The following ZNF407 variants were observed in gnomAD, a reference collection of about 807,000 sequenced individuals.
ZNF407 encodes zinc finger protein 407.
In ZNF407, 17 loss-of-function variants were observed where a neutral mutation model predicts 131.2. The ratio of observed to expected loss-of-function variants is 0.13; its 90% CI spans 0.09 to 0.19. The LOEUF is 0.19. Ranked by LOEUF, ZNF407 falls within the 10% of genes least tolerant of loss-of-function variation. The probability of loss-of-function intolerance (pLI) is 1.00; values close to 1 mark genes in which losing one functional copy is unlikely to be tolerated. For missense variants in ZNF407, 2,681 were observed against 2,830.6 expected, an observed-to-expected ratio of 0.95 and a Z score of 1.20; for synonymous variants, 1,156 against 1,062.0, an observed-to-expected ratio of 1.09 and a Z score of -1.72.
rs975033377 is a variant in ZNF407 at position 74,641,183 on chromosome 18, G to T, written c.4802+61G>T. On this transcript the variant is annotated intron_variant, in intron 3 of 8. Transcript: ENST00000299687. The stretch of plus-strand genomic sequence containing the variant: ...AGGAAGCATGTGCAGGATAGCCATT[G>T]TTTCGGAATTCAAAACCGATAGGAG... 2.9e-5 allele frequency: 40 copies of T among 1,388,378 alleles called. No individual in the cohort carries two copies. The African/African-American group carries it at 5.5e-4, about 19-fold the overall frequency. 86.0% of individuals were successfully genotyped at this position (1,388,378 alleles called of 1,614,324 possible). A position where few individuals can be genotyped will look rare whatever the true frequency, so the allele number is the denominator to read the frequency against.
chr18:74,729,141 C>T (rs934072543), intron 3 of ZNF407, among the ~76,000 whole-genome samples: 1 of 152,100 alleles, frequency 6.6e-6, no homozygotes, highest in Non-Finnish European at 1.5e-5. Context: ...GTACCCAGTG[C>T]GTACTTTAGA....
chr18:74,869,592 T>G (rs935000647), intron 4 of ZNF407, among the ~76,000 whole-genome samples: 1 of 152,218 alleles, frequency 6.6e-6, no homozygotes, highest in African/African-American at 2.4e-5. Flanking sequence ...TTTGTGTGCC[T>G]ACAACATTCA....
At chr18:75,015,069 G>A (rs1280293343) in intron 8 of ZNF407, among the ~76,000 whole-genome samples, 1 of 152,026 alleles carries the variant, frequency 6.6e-6, no homozygotes, top group Admixed American at 6.6e-5. Flanking sequence ...GCTAATTTGG[G>A]GAGACTACTA....
chr18:74,739,188 A>G (rs1968490847), intron 3 of ZNF407, among the ~76,000 whole-genome samples: 1 of 151,324 alleles, frequency 6.6e-6, no homozygotes, highest in Admixed American at 6.6e-5. Flanking sequence ...CAAAATTTAT[A>G]TATATTAGAA....
intron 4 of ZNF407, among the ~76,000 whole-genome samples, chr18:74,814,642 A>G (rs934941169): frequency 6.6e-6 from 1 of 152,200 alleles, no homozygotes; most frequent in Non-Finnish European, 1.5e-5. Context: ...ACAGAAGAAG[A>G]TAAACATATT....
At chr18:74,833,180 A>G (rs72975451) in intron 4 of ZNF407, among the ~76,000 whole-genome samples, 1,680 of 152,350 alleles carry the variant, frequency 0.011, 21 homozygotes, top group Non-Finnish European at 0.015. Context: ...CCCACATTCT[A>G]ACCACAAGAC....
In ZNF407 at chr18:74,755,775, C is replaced by CTTTCTTTCTT. The variant is rs1454993539; in HGVS notation, c.4803-25652_4803-25651insTTCTTTCTTT. 8.4e-3 allele frequency among the ~76,000 whole-genome samples: 126 copies of CTTTCTTTCTT among 15,000 alleles called. 1 individual carries two copies. Among genetic ancestry groups the CTTTCTTTCTT allele is most frequent in the East Asian group, 0.015 (5 of 326 alleles). 9.8% of individuals were successfully genotyped at this position (15,000 alleles called of 152,430 possible). On this transcript the variant is annotated intron_variant, in intron 3 of 8. Coordinates refer to ENST00000299687, the MANE Select transcript of ZNF407 (RefSeq NM_017757.3). ...TTTCTTTCTTTCTTTCTTTCTTTCT[C>CTTTCTTTCTT]TCTCTCTCTTTCCTTCCTTCTTTCA...
At chr18:74,610,309 C>T (rs554137006) in intron 1 of ZNF407, among the ~76,000 whole-genome samples, 1 of 152,238 alleles carries the variant, frequency 6.6e-6, no homozygotes, top group South Asian at 2.1e-4. Flanking sequence ...TTTAACCATC[C>T]CCCATTGTTG....
At chr18:74,670,234 C>T (rs951300806) in intron 3 of ZNF407, among the ~76,000 whole-genome samples, 1 of 152,086 alleles carries the variant, frequency 6.6e-6, no homozygotes, top group Non-Finnish European at 1.5e-5. Flanking sequence ...TTTTTATAAC[C>T]CCCAGTTAAG....
At chr18:74,776,604 A>G in intron 3 of ZNF407, among the ~76,000 whole-genome samples, 1 of 152,188 alleles carries the variant, frequency 6.6e-6, no homozygotes, top group East Asian at 1.9e-4. Context: ...ACTTTTTGGT[A>G]ACATTTCTGT....
At chr18:74,794,044 A>G (rs1342910503) in intron 4 of ZNF407, among the ~76,000 whole-genome samples, 1 of 152,220 alleles carries the variant, frequency 6.6e-6, no homozygotes, top group Non-Finnish European at 1.5e-5. Context: ...GAAAGTTGCC[A>G]ACTGCCAGGT....
At chr18:75,002,551 C>A (rs1248785201) in intron 8 of ZNF407, among the ~76,000 whole-genome samples, 1 of 152,088 alleles carries the variant, frequency 6.6e-6, no homozygotes, top group African/African-American at 2.4e-5. Flanking sequence ...GCCTGTAATC[C>A]CAGCACTTTG....
At chr18:74,712,011 T>A (rs1967776933) in intron 3 of ZNF407, among the ~76,000 whole-genome samples, 1 of 152,202 alleles carries the variant, frequency 6.6e-6, no homozygotes, top group Non-Finnish European at 1.5e-5. Flanking sequence ...CCTCCCGCCC[T>A]TATTAGTTTA....
chr18:74,637,249 TC>T (rs1260090239), intron 2 of ZNF407, among the ~76,000 whole-genome samples: 1 of 152,252 alleles, frequency 6.6e-6, no homozygotes, highest in Admixed American at 6.5e-5. Flanking sequence ...TCATTCTTAA[TC>T]CATTAAGATT....
intron 4 of ZNF407, chr18:74,804,391 C>T: frequency 2.0e-6 from 2 of 1,020,738 alleles, no homozygotes; most frequent in Non-Finnish European, 2.3e-6. Context: ...TGACAAATGC[C>T]TGGCATATTC....
intron 2 of ZNF407, among the ~76,000 whole-genome samples, chr18:74,639,902 A>T (rs1368752364): frequency 6.6e-6 from 1 of 152,094 alleles, no homozygotes; most frequent in Non-Finnish European, 1.5e-5. Flanking sequence ...AGGACACTGC[A>T]CAAAGGTTCA....
intron 4 of ZNF407, among the ~76,000 whole-genome samples, chr18:74,861,275 G>A (rs1050665484): frequency 2.0e-5 from 3 of 152,220 alleles, no homozygotes; most frequent in African/African-American, 7.2e-5. Context: ...GCACATTCTT[G>A]TTGTGTAAGC....
At chr18:74,856,282 A>G (rs930967772) in intron 4 of ZNF407, among the ~76,000 whole-genome samples, 2 of 152,232 alleles carry the variant, frequency 1.3e-5, no homozygotes, top group Non-Finnish European at 2.9e-5. Context: ...CAGCCTTGGC[A>G]AAAGCATTTG....
chr18:74,979,902 A>G (rs1005709541), intron 8 of ZNF407, among the ~76,000 whole-genome samples: 2 of 152,212 alleles, frequency 1.3e-5, no homozygotes, highest in Non-Finnish European at 2.9e-5. Context: ...CAGCTGAAAG[A>G]TGAATCCAGT....
Sources: allele counts gnomAD v4.1 joint callset (sites outside exome capture counted in the v4.1 genomes callset), GRCh38; gene constraint gnomAD v4.1.1; transcripts MANE v1.5; gene names NCBI Gene and HGNC (gene_info 2026-07-23, HGNC 2026-07-21).